BRINP3: variants seen among roughly 807,000 people sequenced by gnomAD.
BRINP3 encodes BMP/retinoic acid inducible neural specific 3, also known as BMP/retinoic acid-inducible neural-specific protein 3.
BRINP3 carries 19 observed loss-of-function variants against 71.0 expected under a neutral mutation model. That is an observed-to-expected ratio of 0.27 (90% confidence interval 0.19 to 0.39). BRINP3 has a LOEUF of 0.39. Ranked by LOEUF, BRINP3 falls within the 10% of genes least tolerant of loss-of-function variation. The probability of loss-of-function intolerance (pLI) is 1.00; values close to 1 mark genes in which losing one functional copy is unlikely to be tolerated. For missense variants in BRINP3, 959 were observed against 940.8 expected (o/e 1.02, Z -0.25); for synonymous variants, 380 against 337.7 (o/e 1.13, Z -1.37).
intron 2 of BRINP3, among the ~76,000 whole-genome samples, chr1:190,438,175 T>A (rs1417391265): frequency 6.6e-6 from 1 of 151,482 alleles, no homozygotes; most frequent in Non-Finnish European, 1.5e-5. Context: ...TCCCAAAAGT[T>A]ACTATAGAAT....
intron 2 of BRINP3, among the ~76,000 whole-genome samples, chr1:190,452,327 C>A (rs746840896): frequency 5.7e-4 from 87 of 152,242 alleles, no homozygotes; most frequent in African/African-American, 2.0e-3. Context: ...AAGTTGTAAC[C>A]TAGCTCCATT....
At chr1:190,124,329 G>A (rs1571766911) in intron 7 of BRINP3, among the ~76,000 whole-genome samples, 1 of 152,090 alleles carries the variant, frequency 6.6e-6, no homozygotes, top group East Asian at 1.9e-4. Flanking sequence ...CCTTGATATT[G>A]GACTTTATGG....
At chr1:190,137,466 G>T (rs1488810687) in intron 7 of BRINP3, among the ~76,000 whole-genome samples, 1 of 151,178 alleles carries the variant, frequency 6.6e-6, no homozygotes, top group Non-Finnish European at 1.5e-5. Flanking sequence ...CTGAAAAAAT[G>T]CTTCGCATTA....
chr1:190,457,696 C>T (rs1402021911), intron 1 of BRINP3, among the ~76,000 whole-genome samples: 1 of 152,000 alleles, frequency 6.6e-6, no homozygotes, highest in Non-Finnish European at 1.5e-5. Context: ...TGAAGCCATG[C>T]CATTATACAC....
chr1:190,151,374 C>T (rs1010552371), intron 7 of BRINP3, among the ~76,000 whole-genome samples: 6 of 152,056 alleles, frequency 3.9e-5, no homozygotes, highest in Admixed American at 1.3e-4. Flanking sequence ...ACATTAGTAC[C>T]TTGGGATCTA....
chr1:190,185,626 G>T (rs1271110137), intron 6 of BRINP3, among the ~76,000 whole-genome samples: 1 of 152,082 alleles, frequency 6.6e-6, no homozygotes, highest in Non-Finnish European at 1.5e-5. Flanking sequence ...AAAATTAGTA[G>T]AAATAATGTA....
chr1:190,313,698 G>A (rs1301274361), intron 2 of BRINP3, among the ~76,000 whole-genome samples: 1 of 151,896 alleles, frequency 6.6e-6, no homozygotes, highest in African/African-American at 2.4e-5. Flanking sequence ...AACAACCCTT[G>A]AGATAGCTAC....
intron 2 of BRINP3, among the ~76,000 whole-genome samples, chr1:190,384,448 G>T (rs1216501902): frequency 2.0e-5 from 3 of 151,672 alleles, no homozygotes; most frequent in Non-Finnish European, 4.4e-5. Flanking sequence ...AATAGAATCT[G>T]TAAAATATTG....
At chr1:190,335,442 A>AT (rs1050687083) in intron 2 of BRINP3, among the ~76,000 whole-genome samples, 1 of 151,854 alleles carries the variant, frequency 6.6e-6, no homozygotes, top group African/African-American at 2.4e-5. Context: ...AAAAATGATA[A>AT]TTTTTTACTT....
At chr1:190,401,336 C>A (rs1410237140) in intron 2 of BRINP3, among the ~76,000 whole-genome samples, 1 of 118,122 alleles carries the variant, frequency 8.5e-6, no homozygotes. Flanking sequence ...CCAGCCTGGG[C>A]AACAGAACCA....
At position 190,111,198 on chromosome 1, in the gene BRINP3, A is replaced by AAAAAC. The variant is rs1557975887; in HGVS notation, c.1185-12065_1185-12064insGTTTT. Among the ~76,000 whole-genome samples, 172 of 150,624 alleles carry AAAAAC rather than the reference A, an allele frequency of 1.1e-3. 3 individuals carry two copies. Among genetic ancestry groups the AAAAAC allele is most frequent in the African/African-American group, 4.1e-3 (169 of 40,754 alleles). On this transcript the variant is annotated intron_variant, in intron 7 of 7. Transcript: ENST00000367462. ...AGACTCCATTAAAAAAAAAAAAAAAAAAAAAAAAAACTTTAGAACTTTAAT... is the reference window on the plus strand; with the variant it reads ...AGACTCCATTAAAAAAAAAAAAAAAAAAAACAAAAAAAAAACTTTAGAACTTTAAT...
intron 4 of BRINP3, among the ~76,000 whole-genome samples, chr1:190,258,982 G>A (rs1380850460): frequency 6.6e-6 from 1 of 152,060 alleles, no homozygotes; most frequent in Non-Finnish European, 1.5e-5. Flanking sequence ...AATAAACCTA[G>A]TGAAGAGATT....
intron 3 of BRINP3, among the ~76,000 whole-genome samples, chr1:190,277,085 TTTTA>T (rs1168767992): frequency 1.6e-4 from 2 of 12,296 alleles, no homozygotes; most frequent in African/African-American, 2.7e-4. Flanking sequence ...TAAATTTTGG[TTTTA>T]TATATATATA....
intron 6 of BRINP3, among the ~76,000 whole-genome samples, chr1:190,164,563 A>G (rs193188045): frequency 6.6e-6 from 1 of 152,248 alleles, no homozygotes; most frequent in East Asian, 1.9e-4. Context: ...TACACCAAGT[A>G]CATATCTTCT....
chr1:190,469,894 GC>G (rs1485991455), intron 1 of BRINP3, among the ~76,000 whole-genome samples: 1 of 151,002 alleles, frequency 6.6e-6, no homozygotes, highest in Non-Finnish European at 1.5e-5. Context: ...ATAAACTCAT[GC>G]TTTAATGGCT....
intron 2 of BRINP3, among the ~76,000 whole-genome samples, chr1:190,304,828 C>A (rs1664983481): frequency 6.6e-6 from 1 of 151,800 alleles, no homozygotes; most frequent in African/African-American, 2.4e-5. Context: ...AAGAGACAAC[C>A]CACAGAATGG....
chr1:190,191,303 A>G (rs1480488739), intron 6 of BRINP3, among the ~76,000 whole-genome samples: 1 of 152,100 alleles, frequency 6.6e-6, no homozygotes, highest in African/African-American at 2.4e-5. Flanking sequence ...TCTAAAGGAA[A>G]AAAATGGATA....
At chr1:190,103,723 CT>C (rs1324981431) in intron 7 of BRINP3, among the ~76,000 whole-genome samples, 3 of 151,894 alleles carry the variant, frequency 2.0e-5, no homozygotes, top group African/African-American at 7.3e-5. Context: ...CAGCAGATGG[CT>C]TTTAATTTAT....
At chr1:190,137,174 G>A (rs1655043765) in intron 7 of BRINP3, among the ~76,000 whole-genome samples, 1 of 151,992 alleles carries the variant, frequency 6.6e-6, no homozygotes, top group African/African-American at 2.4e-5. Context: ...CTCCACTGAA[G>A]GAGGTTTGGG....
Sources: allele counts gnomAD v4.1 joint callset (sites outside exome capture counted in the v4.1 genomes callset), GRCh38; gene constraint gnomAD v4.1.1; transcripts MANE v1.5; gene names NCBI Gene and HGNC (gene_info 2026-07-23, HGNC 2026-07-21).